The following AGBL4 variants were observed in gnomAD, a reference collection of about 807,000 sequenced individuals.
AGBL4 encodes cytosolic carboxypeptidase 6.
AGBL4 carries 58 observed loss-of-function variants against 66.4 expected under a neutral mutation model. The ratio of observed to expected loss-of-function variants is 0.87; its 90% CI spans 0.71 to 1.09. AGBL4 has a LOEUF of 1.09. AGBL4 is among the 50% of genes least tolerant of loss of function. The pLI is 0.00. For synonymous variants in AGBL4, 234 were observed against 222.9 expected, an observed-to-expected ratio of 1.05 and a Z score of -0.44; for missense variants, 579 against 631.0, an observed-to-expected ratio of 0.92 and a Z score of 0.88.
At chr1:49,647,135 G>A (rs1263831681) in intron 3 of AGBL4, among the ~76,000 whole-genome samples, 1 of 151,742 alleles carries the variant, frequency 6.6e-6, no homozygotes, top group Non-Finnish European at 1.5e-5. Flanking sequence ...CTTAGCTATG[G>A]TAACAAAAAT....
intron 4 of AGBL4, among the ~76,000 whole-genome samples, chr1:49,178,855 T>C (rs559457476): frequency 6.6e-6 from 1 of 152,326 alleles, no homozygotes; most frequent in East Asian, 1.9e-4. Context: ...TTAATTAGTC[T>C]TGTCACTAAA....
At chr1:48,918,099 A>G (rs1013399829) in intron 5 of AGBL4, among the ~76,000 whole-genome samples, 4 of 152,078 alleles carry the variant, frequency 2.6e-5, no homozygotes, top group African/African-American at 9.7e-5. Flanking sequence ...CAATGCGGAC[A>G]CTCACCTCCA....
chr1:49,515,333 A>G lies in AGBL4; in HGVS notation c.282+181980T>C, dbSNP rs552286022. On this transcript the variant is annotated intron_variant, in intron 3 of 13. Transcript: ENST00000371839. ...CACAGAAATGCAAATCAAAACCACA[A>G]TGAGATATCATCTCACACTAGTTAG... Among the ~76,000 whole-genome samples the G allele has an allele frequency of 5.3e-5, 8 of 152,228 alleles. 1 individual carries two copies. The South Asian group carries it at 1.2e-3, about 24-fold the overall frequency.
At chr1:48,548,606 C>T (rs577069283) in intron 11 of AGBL4, among the ~76,000 whole-genome samples, 48 of 152,330 alleles carry the variant, frequency 3.2e-4, no homozygotes, top group Non-Finnish European at 5.9e-4. Flanking sequence ...CTTCCCTGTC[C>T]TGCTCCTCCC....
At chr1:49,101,405 C>T (rs1247884900) in intron 4 of AGBL4, among the ~76,000 whole-genome samples, 1 of 152,112 alleles carries the variant, frequency 6.6e-6, no homozygotes, top group Admixed American at 6.5e-5. Context: ...CTAGGCTGGT[C>T]TGGAACTCCT....
intron 4 of AGBL4, among the ~76,000 whole-genome samples, chr1:49,107,673 ATGTGTGTG>A (rs141552810): frequency 2.3e-5 from 3 of 129,882 alleles, no homozygotes; most frequent in African/African-American, 6.1e-5. Flanking sequence ...GAATATGTGT[ATGTGTGTG>A]TGTGTGTGTG....
At chr1:49,477,746 G>A (rs1229514214) in intron 3 of AGBL4, among the ~76,000 whole-genome samples, 2 of 151,948 alleles carry the variant, frequency 1.3e-5, no homozygotes, top group Non-Finnish European at 2.9e-5. Context: ...CCTGGAGAAA[G>A]AGATATGTGA....
rs1644737960 is a variant in AGBL4, at chr1:48,581,395, G to A, written c.1267+5609C>T. ...TCATTGTGTCCACAGCTACAAGCCT[G>A]GGTGGAAACCAGTCTGCTCAGGACC... On this transcript the variant is annotated intron_variant, in intron 11 of 13. Transcript: ENST00000371839. Among the ~76,000 whole-genome samples the A allele has an allele frequency of 2.6e-5, 4 of 152,276 alleles. No individual in the cohort carries two copies. The South Asian group carries it at 8.3e-4, about 32-fold the overall frequency.
intron 5 of AGBL4, among the ~76,000 whole-genome samples, chr1:48,937,321 A>T (rs895158488): frequency 6.6e-6 from 1 of 152,190 alleles, no homozygotes; most frequent in Non-Finnish European, 1.5e-5. Context: ...GGTGGGAGTT[A>T]TTATTATAAT....
chr1:49,691,641 G>T (rs931256798), intron 3 of AGBL4: 2 of 152,098 alleles, frequency 1.3e-5, no homozygotes, highest in African/African-American at 4.8e-5. Flanking sequence ...TGGATTGAAG[G>T]ATACAAAATA....
chr1:48,847,407 A>AG (rs1199787645), intron 6 of AGBL4, among the ~76,000 whole-genome samples: 1 of 151,918 alleles, frequency 6.6e-6, no homozygotes, highest in Non-Finnish European at 1.5e-5. Flanking sequence ...GGCAAAAAAA[A>AG]AAAAAAAGCC....
chr1:48,581,190 T>A (rs1375436392), intron 11 of AGBL4, among the ~76,000 whole-genome samples: 1 of 152,182 alleles, frequency 6.6e-6, no homozygotes, highest in Non-Finnish European at 1.5e-5. Context: ...TGTGTTTGGT[T>A]GGATGGATGA....
intron 3 of AGBL4, among the ~76,000 whole-genome samples, chr1:49,595,231 G>A (rs1251990250): frequency 1.3e-5 from 2 of 152,068 alleles, no homozygotes; most frequent in Non-Finnish European, 2.9e-5. Context: ...TGGGACTACA[G>A]GCACACACCA....
chr1:49,393,632 C>T (rs1644895448), intron 3 of AGBL4, among the ~76,000 whole-genome samples: 1 of 152,096 alleles, frequency 6.6e-6, no homozygotes, highest in South Asian at 2.1e-4. Context: ...AAACTACTAG[C>T]CCTGGTTGGC....
chr1:49,568,921 T>C (rs1291773945), intron 3 of AGBL4, among the ~76,000 whole-genome samples: 2 of 152,080 alleles, frequency 1.3e-5, no homozygotes, highest in African/African-American at 4.8e-5. Context: ...AGAGAGATAT[T>C]TGCACTCCCG....
chr1:49,100,267 C>T (rs1645177082), intron 4 of AGBL4, among the ~76,000 whole-genome samples: 1 of 152,146 alleles, frequency 6.6e-6, no homozygotes, highest in Non-Finnish European at 1.5e-5. Flanking sequence ...CTAAGTTGGG[C>T]CGAGATAACC....
chr1:49,776,860 T>C (rs1644210952), intron 2 of AGBL4, among the ~76,000 whole-genome samples: 1 of 152,118 alleles, frequency 6.6e-6, no homozygotes, highest in South Asian at 2.1e-4. Context: ...TCAGATCATG[T>C]CTTGCCCTCA....
intron 6 of AGBL4, among the ~76,000 whole-genome samples, chr1:48,772,039 A>G (rs1286382029): frequency 1.3e-5 from 2 of 152,236 alleles, no homozygotes; most frequent in South Asian, 2.1e-4. Flanking sequence ...CTCAAGCACA[A>G]AAATGCACCT....
intron 6 of AGBL4, among the ~76,000 whole-genome samples, chr1:48,830,197 T>C (rs1646518527): frequency 6.6e-6 from 1 of 152,224 alleles, no homozygotes; most frequent in South Asian, 2.1e-4. Flanking sequence ...GTCGTTTCTA[T>C]AAAATGAGGC....
Sources: gnomAD v4.1 joint callset for allele counts (sites outside exome capture counted in the v4.1 genomes callset) on GRCh38, gnomAD v4.1.1 for gene constraint, MANE v1.5 for transcripts, NCBI Gene and HGNC (gene_info 2026-07-23, HGNC 2026-07-21) for gene names.